The following LRRC4C variants were observed in gnomAD, a reference collection of about 807,000 sequenced individuals.
LRRC4C encodes the protein leucine-rich repeat-containing protein 4C.
LRRC4C carries 5 observed loss-of-function variants against 33.6 expected under a neutral mutation model. That is an observed-to-expected ratio of 0.15 (90% CI 0.08 to 0.31). The LOEUF is 0.31. Ranked by LOEUF, LRRC4C falls within the 10% of genes least tolerant of loss-of-function variation. The probability of loss-of-function intolerance (pLI) is 1.00; values close to 1 mark genes in which losing one functional copy is unlikely to be tolerated. For missense variants in LRRC4C, 560 were observed against 796.7 expected, an observed-to-expected ratio of 0.70 and a Z score of 3.58; for synonymous variants, 329 against 302.0, an observed-to-expected ratio of 1.09 and a Z score of -0.93.
intron 1 of LRRC4C, among the ~76,000 whole-genome samples, chr11:41,391,331 A>AG (rs1453127130): frequency 3.3e-5 from 5 of 151,852 alleles, no homozygotes; most frequent in African/African-American, 1.2e-4. Flanking sequence ...CAAGTGGAGC[A>AG]GGGGGGAGAA....
chr11:41,264,068 A>G (rs1949068696), intron 1 of LRRC4C, among the ~76,000 whole-genome samples: 1 of 150,286 alleles, frequency 6.7e-6, no homozygotes, highest in South Asian at 2.1e-4. Flanking sequence ...TATAGTTTTC[A>G]GATACATACA....
chr11:40,226,960 T>G (rs1166864289), intron 5 of LRRC4C, among the ~76,000 whole-genome samples: 1 of 152,180 alleles, frequency 6.6e-6, no homozygotes, highest in Non-Finnish European at 1.5e-5. Context: ...AGATCTTACA[T>G]CATTCATTAA....
intron 4 of LRRC4C, among the ~76,000 whole-genome samples, chr11:40,273,915 A>C (rs954929480): frequency 6.6e-6 from 1 of 152,092 alleles, no homozygotes; most frequent in African/African-American, 2.4e-5. Flanking sequence ...TGGTAGAAAC[A>C]AGGTGAGGAT....
intron 1 of LRRC4C, among the ~76,000 whole-genome samples, chr11:41,374,933 C>T (rs973668133): frequency 6.6e-6 from 1 of 151,990 alleles, no homozygotes; most frequent in Admixed American, 6.6e-5. Flanking sequence ...TGAGACCAGC[C>T]TGGACAACAT....
intron 1 of LRRC4C, among the ~76,000 whole-genome samples, chr11:41,127,711 T>C (rs1412008264): frequency 8.6e-5 from 12 of 138,908 alleles, no homozygotes; most frequent in Non-Finnish European, 3.1e-5. Context: ...TTAATTGCCG[T>C]GCTTGAGTCT....
At chr11:41,021,470 T>C (rs917394702) in intron 1 of LRRC4C, among the ~76,000 whole-genome samples, 3 of 152,048 alleles carry the variant, frequency 2.0e-5, no homozygotes, top group African/African-American at 7.2e-5. Context: ...CAAAGATATA[T>C]ACTAAACCCT....
In LRRC4C at chr11:41,411,142, A is replaced by ATTTTTTTTTTTTTTTTTTTTTTTT. The variant is rs370574515; in HGVS notation, c.-496+48265_-496+48288dup. Among the ~76,000 whole-genome samples the ATTTTTTTTTTTTTTTTTTTTTTTT allele has an allele frequency of 2.4e-3, 138 of 57,218 alleles. 23 individuals are homozygous for ATTTTTTTTTTTTTTTTTTTTTTTT. Among genetic ancestry groups the ATTTTTTTTTTTTTTTTTTTTTTTT allele is most frequent in the East Asian group, 6.1e-3 (10 of 1,628 alleles). The allele number at this position is 57,218 out of a possible 152,430, so 37.5% of individuals were successfully genotyped here. A position where few individuals can be genotyped will look rare whatever the true frequency, so the allele number is the denominator to read the frequency against. On this transcript the variant is annotated intron_variant, in intron 1 of 6. Transcript: ENST00000528697. ...ATGAGAAACACTTGGTTGGTACCCT[A>ATTTTTTTTTTTTTTTTTTTTTTTT]TTTTTTTTTTTTTTTTTTTTTTTTG...
At chr11:40,195,580 A>G (rs1442837508) in intron 5 of LRRC4C, among the ~76,000 whole-genome samples, 3 of 152,050 alleles carry the variant, frequency 2.0e-5, no homozygotes, top group African/African-American at 7.2e-5. Flanking sequence ...GGGAAAAGGG[A>G]GAAATTGTTC....
intron 1 of LRRC4C, among the ~76,000 whole-genome samples, chr11:41,151,921 G>T (rs1408639990): frequency 1.3e-5 from 2 of 152,172 alleles, no homozygotes; most frequent in Non-Finnish European, 2.9e-5. Context: ...CAGAATACAT[G>T]AATTATTTCC....
intron 2 of LRRC4C, among the ~76,000 whole-genome samples, chr11:40,843,406 A>G (rs1429660186): frequency 6.6e-6 from 1 of 152,148 alleles, no homozygotes; most frequent in Non-Finnish European, 1.5e-5. Flanking sequence ...ATGGGCTGAC[A>G]TTCCCTACTA....
At chr11:41,452,523 T>A (rs1956059093) in intron 1 of LRRC4C, among the ~76,000 whole-genome samples, 1 of 152,164 alleles carries the variant, frequency 6.6e-6, no homozygotes, top group Non-Finnish European at 1.5e-5. Context: ...CTATTTCCTC[T>A]CTTTTTCAAG....
At chr11:40,799,036 G>A (rs2135255892) in intron 2 of LRRC4C, among the ~76,000 whole-genome samples, 1 of 152,198 alleles carries the variant, frequency 6.6e-6, no homozygotes, top group African/African-American at 2.4e-5. Flanking sequence ...AAATCACATT[G>A]TTCTCACAAT....
At chr11:40,624,788 C>A (rs1301792614) in intron 3 of LRRC4C, among the ~76,000 whole-genome samples, 1 of 152,108 alleles carries the variant, frequency 6.6e-6, no homozygotes, top group Non-Finnish European at 1.5e-5. Flanking sequence ...GATCTAAGAT[C>A]TAATTTGGCC....
At chr11:40,544,013 G>T (rs1197014732) in intron 3 of LRRC4C, among the ~76,000 whole-genome samples, 11 of 152,020 alleles carry the variant, frequency 7.2e-5, no homozygotes, top group African/African-American at 2.7e-4. Flanking sequence ...GGTTGATAGA[G>T]AAAGAAAAGC....
chr11:40,726,062 G>A (rs1947279701), intron 2 of LRRC4C, among the ~76,000 whole-genome samples: 1 of 150,416 alleles, frequency 6.6e-6, no homozygotes, highest in African/African-American at 2.5e-5. Context: ...TAAATTCCTA[G>A]AAACATAAAA....
intron 1 of LRRC4C, among the ~76,000 whole-genome samples, chr11:41,352,449 T>C (rs1173218858): frequency 6.6e-6 from 1 of 152,066 alleles, no homozygotes; most frequent in Non-Finnish European, 1.5e-5. Flanking sequence ...TGAGAGTGTT[T>C]GACAGATCAT....
intron 5 of LRRC4C, among the ~76,000 whole-genome samples, chr11:40,239,670 T>C (rs548184817): frequency 6.6e-6 from 1 of 152,284 alleles, no homozygotes; most frequent in South Asian, 2.1e-4. Context: ...CCTAATTCTG[T>C]TAAATTTAAA....
At chr11:40,923,967 A>G (rs554011405) in intron 2 of LRRC4C, among the ~76,000 whole-genome samples, 1 of 152,192 alleles carries the variant, frequency 6.6e-6, no homozygotes, top group Admixed American at 6.5e-5. Context: ...TGCATTAGAG[A>G]AAAGAGAATG....
At chr11:40,843,290 C>T (rs970156189) in intron 2 of LRRC4C, among the ~76,000 whole-genome samples, 7 of 152,196 alleles carry the variant, frequency 4.6e-5, no homozygotes, top group Non-Finnish European at 8.8e-5. Context: ...GCAATTAGGA[C>T]GAGACCAACC....
Sources: allele counts gnomAD v4.1 joint callset (sites outside exome capture counted in the v4.1 genomes callset), GRCh38; gene constraint gnomAD v4.1.1; transcripts MANE v1.5; gene names NCBI Gene and HGNC (gene_info 2026-07-23, HGNC 2026-07-21).